Variants in GRIN2A observed in about 807,000 individuals in gnomAD.
The protein encoded by GRIN2A is glutamate receptor ionotropic, NMDA 2A.
In GRIN2A, 22 loss-of-function variants were observed where a neutral mutation model predicts 113.4. That is an observed-to-expected ratio of 0.19 (90% CI 0.14 to 0.28). The LOEUF is 0.28. Ranked by LOEUF, GRIN2A falls within the 10% of genes least tolerant of loss-of-function variation. GRIN2A has a pLI of 1.00. For missense variants in GRIN2A, 1,502 were observed against 1,887.0 expected (o/e 0.80, Z 3.78); for synonymous variants, 827 against 738.4 (o/e 1.12, Z -1.94).
chr16:9,822,478 G>C (rs2042307525), intron 9 of GRIN2A, 54 bp from the exon 10 acceptor site: 2 of 1,161,720 alleles, frequency 1.7e-6, no homozygotes, highest in Non-Finnish European at 2.6e-6. Context: ...AGAGAAGGGA[G>C]GAGGGGGAGG....
chr16:10,121,112 C>A (rs1371642145), intron 2 of GRIN2A, among the ~76,000 whole-genome samples: 1 of 152,194 alleles, frequency 6.6e-6, no homozygotes, highest in Non-Finnish European at 1.5e-5. Flanking sequence ...AAGCAGCAAT[C>A]CACAGCAAGA....
At chr16:9,972,822 A>C (rs1452617674) in intron 2 of GRIN2A, among the ~76,000 whole-genome samples, 1 of 152,154 alleles carries the variant, frequency 6.6e-6, no homozygotes, top group East Asian at 1.9e-4. Flanking sequence ...AGACAGGGGA[A>C]TTGCAATAGA....
intron 2 of GRIN2A, among the ~76,000 whole-genome samples, chr16:10,018,803 T>A (rs1319050734): frequency 6.6e-6 from 1 of 152,062 alleles, no homozygotes; most frequent in Admixed American, 6.5e-5. Context: ...ATTCTCTAGG[T>A]CCCAGAATCT....
At chr16:10,163,890 G>T (rs946020714) in intron 2 of GRIN2A, among the ~76,000 whole-genome samples, 7 of 152,182 alleles carry the variant, frequency 4.6e-5, no homozygotes, top group Non-Finnish European at 1.0e-4. Context: ...CAACCTTGTG[G>T]GGATTCAATC....
In GRIN2A at chr16:10,089,712, A is replaced by G. The variant is rs1306162620; in HGVS notation, c.414+90286T>C. On this transcript the variant is annotated intron_variant, in intron 2 of 12. Coordinates refer to ENST00000330684, the MANE Select transcript of GRIN2A (RefSeq NM_001134407.3). ...AACCCTTGATAATAATAATCAAATA[A>G]TCAGATAATAATAACAGAGGTCTAA... is the stretch of plus-strand genomic sequence containing the variant. 2.0e-5 allele frequency among the ~76,000 whole-genome samples: 3 copies of G among 152,176 alleles called. No individual in the cohort carries two copies. The East Asian group carries it at 5.8e-4, about 29-fold the overall frequency.
At chr16:9,970,711 A>T in intron 2 of GRIN2A, 3 of 904,640 alleles carry the variant, frequency 3.3e-6, no homozygotes, top group Non-Finnish European at 4.0e-6. Context: ...GGTACTGAAG[A>T]TAAAATAAAT....
intron 2 of GRIN2A, among the ~76,000 whole-genome samples, chr16:10,176,616 G>T (rs747919528): frequency 6.8e-6 from 1 of 148,024 alleles, no homozygotes; most frequent in East Asian, 2.0e-4. Flanking sequence ...ACCAAACACC[G>T]CATGTTCTCA....
intron 10 of GRIN2A, among the ~76,000 whole-genome samples, chr16:9,819,338 C>A (rs567401937): frequency 1.3e-5 from 2 of 151,522 alleles, no homozygotes; most frequent in African/African-American, 4.8e-5. Context: ...CTGGGTAACA[C>A]GGCAAAACCT....
intron 2 of GRIN2A, among the ~76,000 whole-genome samples, chr16:10,125,592 G>T (rs981059622): frequency 2.0e-5 from 3 of 149,554 alleles, no homozygotes; most frequent in Admixed American, 6.7e-5. Flanking sequence ...GCAAAGCAAT[G>T]GAGCTAAGGC....
intron 2 of GRIN2A, among the ~76,000 whole-genome samples, chr16:10,064,527 C>G (rs1167026755): frequency 6.6e-6 from 1 of 152,230 alleles, no homozygotes; most frequent in Non-Finnish European, 1.5e-5. Context: ...TTCTACTGTT[C>G]ATGCCTCTAC....
rs548158191 is a variant in GRIN2A at position 9,811,374 on chromosome 16, T to C, written c.2168+10890A>G. Among the ~76,000 whole-genome samples the C allele has an allele frequency of 3.3e-5, 5 of 152,278 alleles. No individual in the cohort carries two copies. The East Asian group carries it at 7.7e-4, about 24-fold the overall frequency. ...CTGCCTGAACTTCAGTGTCCTCCTCTATAAAATGGAGAAAATGATTATCTG... is the reference window on the plus strand; with the variant it reads ...CTGCCTGAACTTCAGTGTCCTCCTCCATAAAATGGAGAAAATGATTATCTG... On this transcript the variant is annotated intron_variant, in intron 10 of 12. Transcript: ENST00000330684.
At chr16:9,972,519 G>A (rs144029116) in intron 2 of GRIN2A, among the ~76,000 whole-genome samples, 8 of 151,914 alleles carry the variant, frequency 5.3e-5, no homozygotes, top group Non-Finnish European at 1.2e-4. Context: ...ATGAGGTAAA[G>A]GAAAATATGC....
chr16:9,784,502 G>T (rs149669641), intron 11 of GRIN2A, among the ~76,000 whole-genome samples: 3 of 149,368 alleles, frequency 2.0e-5, no homozygotes, highest in African/African-American at 7.4e-5. Context: ...AGAAAACCTA[G>T]GCAATACCAC....
intron 2 of GRIN2A, among the ~76,000 whole-genome samples, chr16:9,994,206 C>T (rs3859124): frequency 0.59 from 89,562 of 152,040 alleles, 27,064 homozygotes; most frequent in African/African-American, 0.69. Context: ...CAATTTCCAA[C>T]GCGAACTGCT....
chr16:9,797,434 T>G (rs1903067068), intron 11 of GRIN2A, among the ~76,000 whole-genome samples: 1 of 152,198 alleles, frequency 6.6e-6, no homozygotes, highest in Non-Finnish European at 1.5e-5. Flanking sequence ...TCACCAGCTA[T>G]GAAGTAGAAA....
intron 11 of GRIN2A, among the ~76,000 whole-genome samples, chr16:9,770,068 T>C (rs746444192): frequency 1.3e-5 from 2 of 152,194 alleles, no homozygotes; most frequent in African/African-American, 2.4e-5. Flanking sequence ...AGAATTATTC[T>C]GTCCCTCTTT....
At chr16:10,146,469 A>G (rs2049442771) in intron 2 of GRIN2A, among the ~76,000 whole-genome samples, 1 of 152,094 alleles carries the variant, frequency 6.6e-6, no homozygotes, top group Non-Finnish European at 1.5e-5. Context: ...AGGGTGGTAC[A>G]AGGGGAGGGA....
intron 3 of GRIN2A, among the ~76,000 whole-genome samples, chr16:9,922,526 G>A (rs1230642477): frequency 6.6e-6 from 1 of 152,054 alleles, no homozygotes; most frequent in Non-Finnish European, 1.5e-5. Flanking sequence ...ATTTTTATTA[G>A]GAAACACATT....
rs137992186 is a variant in GRIN2A at position 9,770,296 on chromosome 16, G to T, written c.2357-1207C>A. ...TACATGATCTCTAAGATGTAATGGGGACATGCAGAGAAAAATTAACGAAAT... is the reference window on the plus strand; with the variant it reads ...TACATGATCTCTAAGATGTAATGGGTACATGCAGAGAAAAATTAACGAAAT... On this transcript the variant is annotated intron_variant, in intron 11 of 12. Transcript: ENST00000330684. Among the ~76,000 whole-genome samples, 20 of 152,234 alleles carry T rather than the reference G, an allele frequency of 1.3e-4. No homozygotes were observed. The East Asian group carries it at 3.7e-3, about 28-fold the overall frequency.
Sources: allele counts gnomAD v4.1 joint callset (sites outside exome capture counted in the v4.1 genomes callset), GRCh38; gene constraint gnomAD v4.1.1; transcripts MANE v1.5; gene names NCBI Gene and HGNC (gene_info 2026-07-23, HGNC 2026-07-21).